Variants in C1orf50 observed in about 807,000 individuals in gnomAD.
C1orf50 encodes uncharacterized protein C1orf50.
C1orf50 carries 22 observed loss-of-function variants against 23.3 expected under a neutral mutation model. The observed-to-expected ratio is 0.94, with a 90% CI of 0.67 to 1.35. The LOEUF is 1.35. Ranked by LOEUF, C1orf50 falls within the 40% of genes most tolerant of loss-of-function variation. The pLI is 0.00. For synonymous variants in C1orf50, 96 were observed against 102.4 expected, an observed-to-expected ratio of 0.94 and a Z score of 0.38; for missense variants, 271 against 249.4, an observed-to-expected ratio of 1.09 and a Z score of -0.58.
chr1:42,767,703 A>C, intron 2 of C1orf50, 79 bp downstream of exon 2: 3 of 1,275,092 alleles, frequency 2.4e-6, no homozygotes, highest in Non-Finnish European at 2.2e-6. Context: ...AGACCTCACT[A>C]CCACCTATGG....
Position 42,775,476 on chromosome 1 carries a change from A to T in C1orf50, c.*82A>T. The T allele has an allele frequency of 7.8e-7, 1 of 1,287,294 alleles. No homozygotes were observed. Among genetic ancestry groups the T allele is most frequent in the Non-Finnish European group, 1.1e-6 (1 of 942,900 alleles). The allele number at this position is 1,287,294 out of a possible 1,614,324, so 79.7% of individuals were successfully genotyped here. On this transcript the variant is annotated 3_prime_UTR_variant, in exon 5 of 5. Coordinates refer to ENST00000372525, the MANE Select transcript of C1orf50 (RefSeq NM_024097.4). ...CCCACTGTTGCCTTGAGAATTGAAG[A>T]CATGTAGGTGACTCACAAACTTCTT... is the stretch of plus-strand genomic sequence containing the variant.
intron 2 of C1orf50, among the ~76,000 whole-genome samples, chr1:42,769,401 C>T (rs192358137): frequency 9.9e-5 from 15 of 150,974 alleles, no homozygotes; most frequent in Admixed American, 5.3e-4. Flanking sequence ...AAAAATTAGC[C>T]GGGCATGGTG....
chr1:42,768,290 A>G (rs1024320902), intron 2 of C1orf50, among the ~76,000 whole-genome samples: 4 of 152,224 alleles, frequency 2.6e-5, no homozygotes, highest in African/African-American at 7.2e-5. Context: ...GAAGTAGTAG[A>G]GCTCCAAGAT....
At chr1:42,770,759 C>T (rs1320762393) in intron 2 of C1orf50, among the ~76,000 whole-genome samples, 1 of 152,134 alleles carries the variant, frequency 6.6e-6, no homozygotes, top group African/African-American at 2.4e-5. Context: ...AATGCAAATT[C>T]TTTTACCATG....
intron 2 of C1orf50, among the ~76,000 whole-genome samples, chr1:42,771,861 C>G (rs200065323): frequency 6.6e-6 from 1 of 151,820 alleles, no homozygotes; most frequent in Non-Finnish European, 1.5e-5. Context: ...GCCTGTGGTC[C>G]TAGCTACTCA....
chr1:42,776,705 T>G lies in C1orf50; in HGVS notation c.*1311T>G, dbSNP rs562664881. 6 of 152,274 alleles carry G rather than the reference T, an allele frequency of 3.9e-5. No individual in the cohort carries two copies. The highest frequency in any genetic ancestry group is 5.9e-5 in the Non-Finnish European group (4 of 68,082). 9.4% of individuals were successfully genotyped at this position (152,274 alleles called of 1,614,324 possible). A position where few individuals can be genotyped will look rare whatever the true frequency, so the allele number is the denominator to read the frequency against. On this transcript the variant is annotated 3_prime_UTR_variant, in exon 5 of 5. Transcript: ENST00000372525. Reference sequence around the variant, plus strand: ...TGCTCGGTTCACATGGGAATGCTCTTTGGACTCAGCTGCAGAGGTCTTTTG... The same window carrying G: ...TGCTCGGTTCACATGGGAATGCTCTGTGGACTCAGCTGCAGAGGTCTTTTG...
chr1:42,775,830 G>T lies in C1orf50; in HGVS notation c.*436G>T, dbSNP rs1236602090. 1 of 149,172 alleles carries T rather than the reference G, an allele frequency of 6.7e-6. No homozygotes were observed. The highest frequency in any genetic ancestry group is 2.5e-5 in the African/African-American group (1 of 40,494). The allele number at this position is 149,172 out of a possible 1,614,324, so 9.2% of individuals were successfully genotyped here. On this transcript the variant is annotated 3_prime_UTR_variant, in exon 5 of 5. Coordinates refer to ENST00000372525, the MANE Select transcript of C1orf50 (RefSeq NM_024097.4). ...TGGGGTTGAGGCTGTCTCACAGTTGGTGCAACTCCAGTTTAAAATTCATCT... is the reference window on the plus strand; with the variant it reads ...TGGGGTTGAGGCTGTCTCACAGTTGTTGCAACTCCAGTTTAAAATTCATCT...
rs1653364591 is a variant in C1orf50 at position 42,777,544 on chromosome 1, A to G, written c.*2150A>G. 6.6e-6 allele frequency: 1 copy of G among 152,196 alleles called. No homozygotes were observed. The highest frequency in any genetic ancestry group is 1.5e-5 in the Non-Finnish European group (1 of 68,022). The allele number at this position is 152,196 out of a possible 1,614,324, so 9.4% of individuals were successfully genotyped here. ...ACAAGGATTAGAGTCTGCTAGCCAGATGGAAGTTACAGTCTCATGTAGTCT... is the reference window on the plus strand; with the variant it reads ...ACAAGGATTAGAGTCTGCTAGCCAGGTGGAAGTTACAGTCTCATGTAGTCT... On this transcript the variant is annotated 3_prime_UTR_variant, in exon 5 of 5. Coordinates refer to ENST00000372525, the MANE Select transcript of C1orf50 (RefSeq NM_024097.4).
chr1:42,775,212 TG>T lies in C1orf50; in HGVS notation c.423del (p.Thr142GlnfsTer34), dbSNP rs771627486. The T allele has an allele frequency of 4.4e-6, 7 of 1,587,984 alleles. No individual in the cohort carries two copies. The South Asian group carries it at 6.6e-5, about 15-fold the overall frequency. On this transcript the variant is annotated frameshift_variant, in exon 5 of 5. Transcript: ENST00000372525. LOFTEE classifies it high-confidence loss of function. ...QYFSIISPKE[W>X]GTSCPHDFLG... Reference sequence around the variant, plus strand: ...CTGCCTCCTTTGCCTTCTCTAGGAATGGGGGACAAGTTGTCCACATGACTTC... The same window carrying T: ...CTGCCTCCTTTGCCTTCTCTAGGAATGGGGACAAGTTGTCCACATGACTTC...
At chr1:42,768,642 G>C (rs1458336470) in intron 2 of C1orf50, among the ~76,000 whole-genome samples, 1 of 151,946 alleles carries the variant, frequency 6.6e-6, no homozygotes, top group African/African-American at 2.4e-5. Flanking sequence ...TTTTTGAAGA[G>C]CTGGGGAGCA....
chr1:42,768,068 G>A (rs1001485054), intron 2 of C1orf50, among the ~76,000 whole-genome samples: 2 of 152,164 alleles, frequency 1.3e-5, no homozygotes, highest in East Asian at 3.8e-4. Flanking sequence ...TCCAAGTTTA[G>A]TCCTCATTAA....
At chr1:42,774,923 G>T in intron 4 of C1orf50, 55 bp downstream of exon 4, 2 of 1,565,092 alleles carry the variant, frequency 1.3e-6, no homozygotes, top group Non-Finnish European at 1.7e-6. Context: ...AGAAATTCTT[G>T]GTATATGTGT....
chr1:42,767,357 A>C lies in C1orf50; in HGVS notation c.46A>C (p.Arg16=), dbSNP rs753852414. 6.5e-7 allele frequency: 1 copy of C among 1,536,722 alleles called. No homozygotes were observed. The highest frequency in any genetic ancestry group is 1.2e-5 in the South Asian group (1 of 82,056). ...GGGGCGGACCGAGGGGGTCCTTGAA[A>C]GGCAAGGAGCGCCGCCAGCTGCAGG... ...APGRTEGVLE[R]QGAPPAAGQG... The change falls in exon 1 of 5, where the codon AGG becomes CGG. Residue 16 remains arginine, a synonymous_variant. Transcript: ENST00000372525.
At chr1:42,769,135 C>T (rs892650647) in intron 2 of C1orf50, among the ~76,000 whole-genome samples, 8 of 151,954 alleles carry the variant, frequency 5.3e-5, no homozygotes, top group Non-Finnish European at 1.2e-4. Context: ...GTAGTCTCAG[C>T]TACTCGGGAG....
At position 42,772,868 on chromosome 1, in the gene C1orf50, C is replaced by T. The variant is rs138366646; in HGVS notation, c.196-695C>T. ...TGTACATTATAACTCTGTTTCAGGT[C>T]CACATCATAATGCAGTCTTTTAAAA... is the stretch of plus-strand genomic sequence containing the variant. On this transcript the variant is annotated intron_variant, in intron 2 of 4. Transcript: ENST00000372525. Among the ~76,000 whole-genome samples the T allele has an allele frequency of 1.1e-4, 17 of 152,130 alleles. No individual in the cohort carries two copies. The East Asian group carries it at 3.3e-3, about 29-fold the overall frequency.
At position 42,774,658 on chromosome 1, in the gene C1orf50, A is replaced by G. The variant is rs533558110; in HGVS notation, c.283-79A>G. 1.9e-5 allele frequency: 29 copies of G among 1,502,222 alleles called. No homozygotes were observed. The African/African-American group carries it at 2.2e-4, about 11-fold the overall frequency. 93.1% of individuals were successfully genotyped at this position (1,502,222 alleles called of 1,614,324 possible). A position where few individuals can be genotyped will look rare whatever the true frequency, so the allele number is the denominator to read the frequency against. On this transcript the variant is annotated intron_variant, in intron 3 of 4. Coordinates refer to ENST00000372525, the MANE Select transcript of C1orf50 (RefSeq NM_024097.4). ...GATCCTAAGCACTGAATGGTTTCCA[A>G]ATTTTAATTGGGATGATCACCAAAT...
At chr1:42,767,486 G>C in intron 1 of C1orf50, 23 bp from the exon 2 acceptor site, 2 of 1,556,548 alleles carry the variant, frequency 1.3e-6, no homozygotes, top group South Asian at 2.4e-5. Context: ...CTCACGGCTT[G>C]TGTTCCTGGG....
intron 2 of C1orf50, among the ~76,000 whole-genome samples, chr1:42,771,173 T>G (rs1303363309): frequency 6.6e-6 from 1 of 152,228 alleles, no homozygotes; most frequent in African/African-American, 2.4e-5. Flanking sequence ...AACAGTGCAT[T>G]GTTATGAGTA....
Position 42,767,366 on chromosome 1 carries a change from G to A in C1orf50, c.55G>A (p.Ala19Thr). ...CGAGGGGGTCCTTGAAAGGCAAGGAGCGCCGCCAGCTGCAGGCCAGGGAGG... is the reference window on the plus strand; with the variant it reads ...CGAGGGGGTCCTTGAAAGGCAAGGAACGCCGCCAGCTGCAGGCCAGGGAGG... ...RTEGVLERQG[A>T]PPAAGQGGAL... The change falls in exon 1 of 5, where the codon GCG becomes ACG. Residue 19 changes from alanine (A) to threonine (T), a missense_variant. By Grantham distance (58) the Ala-to-Thr change is moderately conservative (BLOSUM62 0). Coordinates refer to ENST00000372525, the MANE Select transcript of C1orf50 (RefSeq NM_024097.4). 2 of 1,539,268 alleles carry A rather than the reference G, an allele frequency of 1.3e-6. No homozygotes were observed. The highest frequency in any genetic ancestry group is 1.2e-5 in the South Asian group (1 of 82,572).
Sources: gnomAD v4.1 joint callset for allele counts (sites outside exome capture counted in the v4.1 genomes callset) on GRCh38, gnomAD v4.1.1 for gene constraint, MANE v1.5 for transcripts, NCBI Gene and HGNC (gene_info 2026-07-23, HGNC 2026-07-21) for gene names.